MSL2: variants seen among roughly 807,000 people sequenced by gnomAD.
MSL2 encodes the protein MSL complex subunit 2.
In MSL2, 2 loss-of-function variants were observed where a neutral mutation model predicts 35.8. The ratio of observed to expected loss-of-function variants is 0.06; its 90% CI spans 0.02 to 0.18. The LOEUF is 0.18. MSL2 is among the 10% of genes least tolerant of loss of function. MSL2 has a pLI of 1.00. For synonymous variants in MSL2, 296 were observed against 255.7 expected (o/e 1.16, Z -1.50); for missense variants, 523 against 706.7 (o/e 0.74, Z 2.95).
chr3:136,169,294 A>G (rs1051465640), intron 1 of MSL2, among the ~76,000 whole-genome samples: 1 of 128,888 alleles, frequency 7.8e-6, no homozygotes, highest in Non-Finnish European at 1.5e-5. Flanking sequence ...ATTTTTGTGC[A>G]TATGTATGGG....
At chr3:136,173,846 C>T (rs1940096688) in intron 1 of MSL2, among the ~76,000 whole-genome samples, 2 of 152,174 alleles carry the variant, frequency 1.3e-5, no homozygotes, top group Admixed American at 6.5e-5. Context: ...CACCCCAAAT[C>T]TCATTTCACT....
chr3:136,168,881 A>C (rs895685647), intron 1 of MSL2, among the ~76,000 whole-genome samples: 1 of 152,152 alleles, frequency 6.6e-6, no homozygotes, highest in Non-Finnish European at 1.5e-5. Context: ...ACTGCTTTCC[A>C]AATGGCCCAG....
chr3:136,167,479 C>T (rs1344145848), intron 1 of MSL2, among the ~76,000 whole-genome samples: 1 of 152,180 alleles, frequency 6.6e-6, no homozygotes, highest in African/African-American at 2.4e-5. Context: ...GTATTTACCA[C>T]CAGCCTCTCT....
At chr3:136,188,285 T>G (rs1457371726) in intron 1 of MSL2, among the ~76,000 whole-genome samples, 1 of 147,612 alleles carries the variant, frequency 6.8e-6, no homozygotes, top group Non-Finnish European at 1.5e-5. Flanking sequence ...AATACACTAA[T>G]TAGCTAGGCG....
intron 1 of MSL2, among the ~76,000 whole-genome samples, chr3:136,192,980 C>T (rs938059344): frequency 6.6e-6 from 1 of 152,122 alleles, no homozygotes; most frequent in Non-Finnish European, 1.5e-5. Flanking sequence ...GAACCTACAT[C>T]CCTATTACTG....
intron 1 of MSL2, among the ~76,000 whole-genome samples, chr3:136,161,277 C>A (rs1939701666): frequency 6.6e-6 from 1 of 152,116 alleles, no homozygotes; most frequent in African/African-American, 2.4e-5. Flanking sequence ...AAAACAGGTA[C>A]AACAATCACA....
At chr3:136,167,439 CA>C (rs1939882813) in intron 1 of MSL2, among the ~76,000 whole-genome samples, 1 of 151,846 alleles carries the variant, frequency 6.6e-6, no homozygotes. Context: ...GTCATATGCA[CA>C]AAAAAAATTC....
intron 1 of MSL2, among the ~76,000 whole-genome samples, chr3:136,157,191 CAAGGTGGGCTGATCACCTGAGGTCAGG>C: frequency 6.7e-6 from 1 of 149,076 alleles, no homozygotes; most frequent in South Asian, 2.1e-4. Context: ...TTTGGGAGGC[CAAGGTGGGCTGATCACCTGAGGTCAGG>C]AAGGCGGGCC....
chr3:136,166,387 CA>C (rs796718965), intron 1 of MSL2, among the ~76,000 whole-genome samples: 1 of 147,182 alleles, frequency 6.8e-6, no homozygotes. Flanking sequence ...GACTCTATCT[CA>C]AAAAAAAAGT....
chr3:136,180,473 G>A (rs1206445061), intron 1 of MSL2, among the ~76,000 whole-genome samples: 1 of 151,710 alleles, frequency 6.6e-6, no homozygotes, highest in Non-Finnish European at 1.5e-5. Flanking sequence ...AGGCTGAGGT[G>A]GGCAGATCAC....
At chr3:136,162,969 A>ATTT (rs542937035) in intron 1 of MSL2, among the ~76,000 whole-genome samples, 164 of 137,976 alleles carry the variant, frequency 1.2e-3, no homozygotes, top group African/African-American at 4.1e-3. Flanking sequence ...GAGGACTTGG[A>ATTT]TTTTTTTTTT....
chr3:136,190,395 T>A (rs929969685), intron 1 of MSL2, among the ~76,000 whole-genome samples: 16 of 152,146 alleles, frequency 1.1e-4, no homozygotes, highest in East Asian at 5.8e-4. Flanking sequence ...ACAAAAAAAA[T>A]TTTTAAATTA....
At chr3:136,180,834 G>GAAGGAAGGAAGGAAGGAAGGAAGA (rs2108086471) in intron 1 of MSL2, among the ~76,000 whole-genome samples, 1 of 147,594 alleles carries the variant, frequency 6.8e-6, no homozygotes, top group Non-Finnish European at 1.5e-5. Context: ...AGGAAGGAAG[G>GAAGGAAGGAAGGAAGGAAGGAAGA]AAGGAAGGAA....
Position 136,151,295 on chromosome 3 carries a change from A to C in MSL2, c.1586T>G (p.Ile529Ser), listed in dbSNP as rs1329467178. ...ALEQTRLTLG[I>S]NVTSIAVRNA... ...ACGCACAGCAATGCTAGTCACGTTA[A>C]TGCCCAAAGTGAGCCTGGTCTGCTC... The change falls in exon 2 of 2, where the codon ATT (isoleucine) becomes AGT (serine). Residue 529 changes from isoleucine to serine, a missense_variant. Physicochemically the swap from Ile to Ser is moderately radical, Grantham distance 142. Coordinates refer to ENST00000309993, the MANE Select transcript of MSL2 (RefSeq NM_018133.4). The surrounding 1 kb of genome is among the most constrained non-coding windows in gnomAD (Gnocchi z 5.2). 6.2e-7 allele frequency: 1 copy of C among 1,614,126 alleles called. No homozygotes were observed. Among genetic ancestry groups the C allele is most frequent in the African/African-American group, 1.3e-5 (1 of 74,946 alleles).
At chr3:136,168,609 T>C (rs1001388098) in intron 1 of MSL2, among the ~76,000 whole-genome samples, 2 of 152,044 alleles carry the variant, frequency 1.3e-5, no homozygotes, top group Admixed American at 1.3e-4. Context: ...CTGAGCCTGT[T>C]GGGGGTAGGG....
rs1940845333 is a variant in MSL2 at position 136,196,287 on chromosome 3, C to G, written c.-1174G>C. 1 of 152,506 alleles carries G rather than the reference C, an allele frequency of 6.6e-6. No homozygotes were observed. Among genetic ancestry groups the G allele is most frequent in the Non-Finnish European group, 1.5e-5 (1 of 68,390 alleles). 9.4% of individuals were successfully genotyped at this position (152,506 alleles called of 1,614,324 possible). Reference sequence around the variant, plus strand: ...CCCCAACGGGCAAAGCCACTGTCATCCCCGAGACTCCCCCGCCGCCGTCGT... The same window carrying G: ...CCCCAACGGGCAAAGCCACTGTCATGCCCGAGACTCCCCCGCCGCCGTCGT... On this transcript the variant is annotated 5_prime_UTR_variant, in exon 1 of 2. Transcript: ENST00000309993.
intron 1 of MSL2, among the ~76,000 whole-genome samples, chr3:136,167,767 C>A (rs1184730793): frequency 6.6e-6 from 1 of 152,016 alleles, no homozygotes; most frequent in Admixed American, 6.6e-5. Context: ...CAAGAAGACT[C>A]AAATCTTATA....
chr3:136,186,459 AG>A (rs1488102288), intron 1 of MSL2, among the ~76,000 whole-genome samples: 3 of 152,214 alleles, frequency 2.0e-5, no homozygotes, highest in African/African-American at 7.2e-5. Flanking sequence ...GCTGCACAGC[AG>A]GAAGTGAGCA....
chr3:136,188,720 T>G (rs1228928326), intron 1 of MSL2, among the ~76,000 whole-genome samples: 1 of 71,480 alleles, frequency 1.4e-5, no homozygotes. Context: ...AGCAAGACCC[T>G]GTCTCAAAAA....
Sources: allele counts gnomAD v4.1 joint callset (sites outside exome capture counted in the v4.1 genomes callset), GRCh38; gene constraint gnomAD v4.1.1; non-coding constraint Gnocchi (gnomAD v3.1); transcripts MANE v1.5; gene names NCBI Gene and HGNC (gene_info 2026-07-23, HGNC 2026-07-21).